Variants in PCDHGA7 observed in about 807,000 individuals in gnomAD.
PCDHGA7 encodes the protein protocadherin gamma subfamily A, 7.
A neutral mutation model predicts 58.3 loss-of-function variants in PCDHGA7; 44 were observed. The ratio of observed to expected loss-of-function variants is 0.75; its 90% CI spans 0.59 to 0.97. The LOEUF (loss-of-function observed/expected upper bound fraction) is 0.97, where lower values mean the gene tolerates loss of function less well. Ranked by LOEUF, PCDHGA7 falls within the 50% of genes least tolerant of loss-of-function variation. The pLI, the probability that PCDHGA7 is intolerant of heterozygous loss-of-function variation, is 0.00. For missense variants in PCDHGA7, 1,266 were observed against 1,188.7 expected (o/e 1.06, Z -0.96); for synonymous variants, 516 against 504.2 (o/e 1.02, Z -0.31).
Position 141,419,080 on chromosome 5 carries a change from T to G in PCDHGA7, c.2424+33757T>G, listed in dbSNP as rs1286490083. The G allele has an allele frequency of 3.1e-6, 5 of 1,613,842 alleles. No individual in the cohort carries two copies. The South Asian group carries it at 5.5e-5, about 18-fold the overall frequency. On this transcript the variant is annotated intron_variant, in intron 1 of 3. Transcript: ENST00000518325. ...ATAATTACTACAAGCTAGTAACAGA[T>G]GAGGCCCTGGATCGGGAGCAGACCC... is the stretch of plus-strand genomic sequence containing the variant.
chr5:141,413,194 C>T lies in PCDHGA7; in HGVS notation c.2424+27871C>T, dbSNP rs749749411. ...GACTACAATGGCCGCTCAAAGGAAT[C>T]GCTCAAAGGAATCAAAGGATTGCAG... On this transcript the variant is annotated intron_variant, in intron 1 of 3. Coordinates refer to ENST00000518325, the MANE Select transcript of PCDHGA7 (RefSeq NM_018920.4). 5.3e-5 allele frequency: 85 copies of T among 1,607,784 alleles called. No individual in the cohort carries two copies. Among genetic ancestry groups the T allele is most frequent in the Non-Finnish European group, 7.0e-5 (82 of 1,176,492 alleles).
intron 1 of PCDHGA7, among the ~76,000 whole-genome samples, chr5:141,453,518 C>G (rs1347368114): frequency 6.6e-6 from 1 of 152,114 alleles, no homozygotes; most frequent in African/African-American, 2.4e-5. Context: ...CATTCCTCCC[C>G]TATACCTTCT....
chr5:141,429,729 A>G (rs1362403236), intron 1 of PCDHGA7, among the ~76,000 whole-genome samples: 1 of 152,240 alleles, frequency 6.6e-6, no homozygotes, highest in African/African-American at 2.4e-5. Flanking sequence ...GAAAGTACGT[A>G]GCCAGTTATT....
intron 1 of PCDHGA7, among the ~76,000 whole-genome samples, chr5:141,400,891 A>G (rs1266926061): frequency 6.6e-6 from 1 of 152,222 alleles, no homozygotes; most frequent in African/African-American, 2.4e-5. Context: ...GTATGTAATC[A>G]TTTAATTCAT....
At position 141,494,854 on chromosome 5, in the gene PCDHGA7, C is replaced by T. The variant is rs1353498253; in HGVS notation, c.2472C>T (p.Pro824=). ...TDWRFSQAQR[P]GTSGSQNGDD... The stretch of plus-strand genomic sequence containing the variant: ...GGCGTTTCTCTCAGGCCCAGAGACC[C>T]GGCACCAGCGGGTAGGTGACTGATT... The change falls in exon 2 of 4, where the codon CCC becomes CCT. Residue 824 remains proline (P), a synonymous_variant. Coordinates refer to ENST00000518325, the MANE Select transcript of PCDHGA7 (RefSeq NM_018920.4). 1.2e-6 allele frequency: 2 copies of T among 1,614,120 alleles called. No homozygotes were observed. Among genetic ancestry groups the T allele is most frequent in the East Asian group, 2.2e-5 (1 of 44,870 alleles).
chr5:141,473,029 G>A (rs62379204), intron 1 of PCDHGA7, among the ~76,000 whole-genome samples: 15,982 of 147,800 alleles, frequency 0.11, 873 homozygotes, highest in South Asian at 0.15. Flanking sequence ...AAGGAAGGAA[G>A]GAAGGAAAGA....
chr5:141,384,795 G>C lies in PCDHGA7; in HGVS notation c.1896G>C (p.Leu632=), dbSNP rs763067876. ...YTGEVRTARA[L]LDRDALKQSL... Reference sequence around the variant, plus strand: ...GCGAGGTGCGCACGGCTCGGGCCCTGCTGGACAGAGATGCCCTCAAGCAGA... The same window carrying C: ...GCGAGGTGCGCACGGCTCGGGCCCTCCTGGACAGAGATGCCCTCAAGCAGA... Residue 632 remains leucine (L), a synonymous_variant, in exon 1 of 4, where the codon CTG becomes CTC. Coordinates refer to ENST00000518325, the MANE Select transcript of PCDHGA7 (RefSeq NM_018920.4). 1 of 1,613,482 alleles carries C rather than the reference G, an allele frequency of 6.2e-7. No individual in the cohort carries two copies. The highest frequency in any genetic ancestry group is 1.1e-5 in the South Asian group (1 of 91,078).
Position 141,437,685 on chromosome 5 carries a change from G to A in PCDHGA7, c.2424+52362G>A, listed in dbSNP as rs116699614. ...GAAGAGATGTTGATCAAACTGATGA[G>A]GCTAAATCTCAAGAAAGAGACACAG... On this transcript the variant is annotated intron_variant, in intron 1 of 3. Coordinates refer to ENST00000518325, the MANE Select transcript of PCDHGA7 (RefSeq NM_018920.4). Among the ~76,000 whole-genome samples the A allele has an allele frequency of 1.0e-2, 1,519 of 151,976 alleles. 34 individuals carry two copies. The highest frequency in any genetic ancestry group is 0.034 in the African/African-American group (1,425 of 41,440).
rs1394234849 is a variant in PCDHGA7 at position 141,415,739 on chromosome 5, GGTTT to G, written c.2424+30417_2424+30420del. The G allele has an allele frequency of 1.9e-3, 837 of 434,806 alleles. 9 individuals are homozygous for G. In the African/African-American group the frequency reaches 0.026, roughly 14 times the overall value. The allele number at this position is 434,806 out of a possible 1,614,324, so 26.9% of individuals were successfully genotyped here. A position where few individuals can be genotyped will look rare whatever the true frequency, so the allele number is the denominator to read the frequency against. On this transcript the variant is annotated intron_variant, in intron 1 of 3. Coordinates refer to ENST00000518325, the MANE Select transcript of PCDHGA7 (RefSeq NM_018920.4). ...ATGAGTAGAATTTGATGTTTATTAAGGTTTTTTTTTTTTTTTTTTTTTTTTTTTT... is the reference window on the plus strand; with the variant it reads ...ATGAGTAGAATTTGATGTTTATTAAGTTTTTTTTTTTTTTTTTTTTTTTTT...
chr5:141,387,923 G>T lies in PCDHGA7; in HGVS notation c.2424+2600G>T, dbSNP rs2091157364. The T allele has an allele frequency of 2.7e-6, 4 of 1,475,394 alleles. No individual in the cohort carries two copies. In the Admixed American group the frequency reaches 1.1e-4, roughly 39 times the overall value. 91.4% of individuals were successfully genotyped at this position (1,475,394 alleles called of 1,614,324 possible). On this transcript the variant is annotated intron_variant, in intron 1 of 3. Coordinates refer to ENST00000518325, the MANE Select transcript of PCDHGA7 (RefSeq NM_018920.4). ...CCGGGGAGCTGGGCCGGGCTGAGAG[G>T]CTGCCAGTGCTCTTTCTCTTCCTGC...
At chr5:141,449,537 C>A (rs1377909573) in intron 1 of PCDHGA7, among the ~76,000 whole-genome samples, 1 of 146,334 alleles carries the variant, frequency 6.8e-6, no homozygotes, top group Non-Finnish European at 1.5e-5. Flanking sequence ...TGCAGTGAGC[C>A]GAGATCGCAC....
Position 141,490,509 on chromosome 5 carries a change from G to A in PCDHGA7, c.2425-4298G>A. 6.2e-7 allele frequency: 1 copy of A among 1,614,072 alleles called. No individual in the cohort carries two copies. On this transcript the variant is annotated intron_variant, in intron 1 of 3. Transcript: ENST00000518325. The surrounding 1 kb of genome is among the most constrained non-coding windows in gnomAD (Gnocchi z 5.4). ...AGGCCACATCCCACTATATCATCGA[G>A]CTGCTGGCCAGCGATGCTGGTTCAC...
chr5:141,466,683 A>G (rs1347308492), intron 1 of PCDHGA7, among the ~76,000 whole-genome samples: 1 of 152,170 alleles, frequency 6.6e-6, no homozygotes, highest in African/African-American at 2.4e-5. Context: ...CTTCCACTCA[A>G]GCTTCATCAT....
At chr5:141,385,376 C>T in intron 1 of PCDHGA7, 53 bp downstream of exon 1, 1 of 1,523,128 alleles carries the variant, frequency 6.6e-7, no homozygotes. Context: ...CATGATATTT[C>T]TCTATTATTT....
At chr5:141,500,411 G>A (rs376320602) in intron 2 of PCDHGA7, among the ~76,000 whole-genome samples, 4 of 151,592 alleles carry the variant, frequency 2.6e-5, no homozygotes, top group East Asian at 2.0e-4. Context: ...GGGTTTCACC[G>A]TGTTAGCCAG....
intron 1 of PCDHGA7, among the ~76,000 whole-genome samples, chr5:141,455,125 A>G (rs952979433): frequency 3.5e-4 from 53 of 151,762 alleles, no homozygotes; most frequent in Non-Finnish European, 1.0e-4. Flanking sequence ...CTAATGTTTT[A>G]AATTACACTG....
chr5:141,432,250 A>T lies in PCDHGA7; in HGVS notation c.2424+46927A>T. ...ATTCCCTGGCTGAGAACACCATCCA[A>T]GGGGCAAGCCTATCGTCCTACGTGT... is the stretch of plus-strand genomic sequence containing the variant. On this transcript the variant is annotated intron_variant, in intron 1 of 3. Transcript: ENST00000518325. This position sits in a 1 kb window ranked among gnomAD's most constrained non-coding sequence, Gnocchi z 6.0. 1 of 1,614,234 alleles carries T rather than the reference A, an allele frequency of 6.2e-7. No homozygotes were observed. Among genetic ancestry groups the T allele is most frequent in the Non-Finnish European group, 8.5e-7 (1 of 1,180,054 alleles).
chr5:141,435,194 C>G (rs538114313), intron 1 of PCDHGA7, among the ~76,000 whole-genome samples: 85 of 152,214 alleles, frequency 5.6e-4, no homozygotes, highest in Middle Eastern at 6.8e-3. Flanking sequence ...AGATGGCTAG[C>G]AAATTCATAA....
intron 1 of PCDHGA7, chr5:141,423,108 GC>G: frequency 1.2e-6 from 2 of 1,613,864 alleles, no homozygotes; most frequent in African/African-American, 2.7e-5. Flanking sequence ...CGGGCGAGGT[GC>G]GTACAGCGCG....
Sources: gnomAD v4.1 joint callset for allele counts (sites outside exome capture counted in the v4.1 genomes callset) on GRCh38, gnomAD v4.1.1 for gene constraint, Gnocchi (gnomAD v3.1) non-coding constraint, MANE v1.5 for transcripts, NCBI Gene and HGNC (gene_info 2026-07-23, HGNC 2026-07-21) for gene names.